The following COX7B2 variants were observed in gnomAD, a reference collection of about 807,000 sequenced individuals.
COX7B2 encodes the protein cytochrome c oxidase subunit 7B2, mitochondrial.
For missense variants in COX7B2, 109 were observed against 95.9 expected, an observed-to-expected ratio of 1.14 and a Z score of -0.57; for synonymous variants, 37 against 32.1, an observed-to-expected ratio of 1.15 and a Z score of -0.51.
intron 1 of COX7B2, among the ~76,000 whole-genome samples, chr4:46,877,188 G>A (rs1718396541): frequency 6.6e-6 from 1 of 152,096 alleles, no homozygotes; most frequent in Admixed American, 6.6e-5. Context: ...GACAAGAGGT[G>A]GGAGATGAGT....
chr4:46,782,005 C>T (rs1433403220), intron 2 of COX7B2, among the ~76,000 whole-genome samples: 1 of 152,152 alleles, frequency 6.6e-6, no homozygotes, highest in Non-Finnish European at 1.5e-5. Flanking sequence ...CTGCTTGTGG[C>T]ACCTGGTCGC....
chr4:46,807,100 T>C lies in COX7B2; in HGVS notation c.-50+37860A>G, dbSNP rs1011812406. ...ATTTTTTTAGAAACCTCATACTTTTTTTTTATAATGGCCATACTAATCGAC... is the reference window on the plus strand; with the variant it reads ...ATTTTTTTAGAAACCTCATACTTTTCTTTTATAATGGCCATACTAATCGAC... On this transcript the variant is annotated intron_variant, in intron 2 of 2. Coordinates refer to ENST00000355591, the MANE Select transcript of COX7B2 (RefSeq NM_130902.3). Among the ~76,000 whole-genome samples the C allele has an allele frequency of 2.6e-5, 4 of 151,926 alleles. No individual in the cohort carries two copies. The East Asian group carries it at 7.7e-4, about 29-fold the overall frequency.
intron 1 of COX7B2, among the ~76,000 whole-genome samples, chr4:46,893,122 T>G (rs1365243495): frequency 1.3e-5 from 2 of 152,172 alleles, no homozygotes; most frequent in Non-Finnish European, 2.9e-5. Flanking sequence ...GAGAACAGAC[T>G]AACACATGGA....
intron 1 of COX7B2, among the ~76,000 whole-genome samples, chr4:46,889,912 T>G (rs1353125369): frequency 6.6e-6 from 1 of 151,918 alleles, no homozygotes; most frequent in Non-Finnish European, 1.5e-5. Flanking sequence ...TTTTTTTTTT[T>G]TCCTAATGTT....
intron 1 of COX7B2, among the ~76,000 whole-genome samples, chr4:46,871,989 A>G (rs143814430): frequency 1.1e-4 from 17 of 152,324 alleles, no homozygotes; most frequent in African/African-American, 4.1e-4. Flanking sequence ...CTAGAGGACT[A>G]TAAAACAGTC....
At chr4:46,758,590 T>C (rs890317684) in intron 2 of COX7B2, among the ~76,000 whole-genome samples, 2 of 152,170 alleles carry the variant, frequency 1.3e-5, no homozygotes, top group African/African-American at 4.8e-5. Context: ...GAAAGCTGTA[T>C]ATGAATAGCT....
intron 2 of COX7B2, among the ~76,000 whole-genome samples, chr4:46,832,856 A>G (rs1715243932): frequency 6.6e-6 from 1 of 151,676 alleles, no homozygotes; most frequent in Non-Finnish European, 1.5e-5. Flanking sequence ...CCTCACCAGA[A>G]GCAGATGCCA....
intron 2 of COX7B2, among the ~76,000 whole-genome samples, chr4:46,803,916 T>C (rs909578959): frequency 6.6e-6 from 1 of 152,100 alleles, no homozygotes; most frequent in Non-Finnish European, 1.5e-5. Flanking sequence ...AGGAAAACAC[T>C]GTGTCCGGAA....
rs539932260 is a variant in COX7B2, at chr4:46,782,699, C to T, written c.-49-47458G>A. Among the ~76,000 whole-genome samples the T allele has an allele frequency of 5.3e-5, 8 of 152,322 alleles. No homozygotes were observed. In the East Asian group the frequency reaches 1.5e-3, roughly 29 times the overall value. On this transcript the variant is annotated intron_variant, in intron 2 of 2. Transcript: ENST00000355591. The stretch of plus-strand genomic sequence containing the variant: ...TAACACTCACCATGAAGGTCTTCAG[C>T]TTCACTCCTGAAGCCAGCAAGACCA...
chr4:46,760,204 T>A (rs1011888540), intron 2 of COX7B2, among the ~76,000 whole-genome samples: 9 of 152,148 alleles, frequency 5.9e-5, no homozygotes, highest in Non-Finnish European at 1.2e-4. Flanking sequence ...ATTCCATTAG[T>A]GGATATATAC....
chr4:46,834,459 T>G (rs1315997642), intron 2 of COX7B2, among the ~76,000 whole-genome samples: 1 of 152,144 alleles, frequency 6.6e-6, no homozygotes, highest in Non-Finnish European at 1.5e-5. Context: ...GAATAAACCC[T>G]AGCACATTTG....
At position 46,792,936 on chromosome 4, in the gene COX7B2, CT is replaced by C. The variant is rs1307797183; in HGVS notation, c.-50+52023del. On this transcript the variant is annotated intron_variant, in intron 2 of 2. Coordinates refer to ENST00000355591, the MANE Select transcript of COX7B2 (RefSeq NM_130902.3). ...CTGGCAATAGAGATACACAAAATAT[CT>C]GCATTGGATACACCTAATCAACCAC... Among the ~76,000 whole-genome samples, 157 of 152,300 alleles carry C rather than the reference CT, an allele frequency of 1.0e-3. 1 individual carries two copies. The highest frequency in any genetic ancestry group is 1.8e-4 in the Non-Finnish European group (12 of 68,026).
chr4:46,754,722 G>GTATATA (rs1396491793), intron 2 of COX7B2, among the ~76,000 whole-genome samples: 91 of 34,104 alleles, frequency 2.7e-3, no homozygotes, highest in African/African-American at 7.3e-3. Context: ...GTGTGTGTGT[G>GTATATA]TGTGTGTATA....
intron 1 of COX7B2, among the ~76,000 whole-genome samples, chr4:46,883,475 C>A (rs558932511): frequency 2.6e-5 from 4 of 152,038 alleles, no homozygotes; most frequent in Non-Finnish European, 5.9e-5. Context: ...GTGGCTCACG[C>A]TTGTAATTTC....
chr4:46,889,874 G>T (rs1016702367), intron 1 of COX7B2, among the ~76,000 whole-genome samples: 2 of 149,144 alleles, frequency 1.3e-5, no homozygotes, highest in African/African-American at 4.9e-5. Context: ...TTGAATTTTT[G>T]AGTACTTTTC....
chr4:46,749,489 T>C (rs1250403619), intron 2 of COX7B2, among the ~76,000 whole-genome samples: 1 of 152,146 alleles, frequency 6.6e-6, no homozygotes, highest in Non-Finnish European at 1.5e-5. Context: ...GAAAACTCTT[T>C]GTTATACTCA....
At chr4:46,898,778 C>G (rs1446857023) in intron 1 of COX7B2, among the ~76,000 whole-genome samples, 1 of 152,114 alleles carries the variant, frequency 6.6e-6, no homozygotes, top group Non-Finnish European at 1.5e-5. Context: ...TATTATTTCA[C>G]TTCCCTATTT....
At chr4:46,864,834 CG>C (rs1007318486) in intron 1 of COX7B2, among the ~76,000 whole-genome samples, 3 of 151,992 alleles carry the variant, frequency 2.0e-5, no homozygotes, top group Admixed American at 6.6e-5. Context: ...TTAATAGAGA[CG>C]GTTTTTCACC....
chr4:46,745,303 T>C (rs1422767885), intron 2 of COX7B2, among the ~76,000 whole-genome samples: 1 of 152,196 alleles, frequency 6.6e-6, no homozygotes, highest in Non-Finnish European at 1.5e-5. Context: ...TTTTTATGAA[T>C]AAGGCTCTTG....
Sources: allele counts gnomAD v4.1 joint callset (sites outside exome capture counted in the v4.1 genomes callset), GRCh38; gene constraint gnomAD v4.1.1; transcripts MANE v1.5; gene names NCBI Gene and HGNC (gene_info 2026-07-23, HGNC 2026-07-21).